Variants in SMAP1 observed in about 807,000 individuals in gnomAD.
SMAP1 encodes stromal membrane-associated protein 1.
SMAP1 carries 24 observed loss-of-function variants against 58.5 expected under a neutral mutation model. The ratio of observed to expected loss-of-function variants is 0.41; its 90% CI spans 0.30 to 0.58. The LOEUF (loss-of-function observed/expected upper bound fraction) is 0.58. Ranked by LOEUF, SMAP1 falls within the 20% of genes least tolerant of loss-of-function variation. SMAP1 has a pLI of 0.29. For synonymous variants in SMAP1, 216 were observed against 196.6 expected, an observed-to-expected ratio of 1.10 and a Z score of -0.82; for missense variants, 563 against 566.3, an observed-to-expected ratio of 0.99 and a Z score of 0.06.
intron 6 of SMAP1, among the ~76,000 whole-genome samples, chr6:70,828,597 C>T (rs1187887641): frequency 6.6e-6 from 1 of 152,128 alleles, no homozygotes; most frequent in Non-Finnish European, 1.5e-5. Context: ...TTTTCACTAC[C>T]CCCATTGAAA....
chr6:70,727,222 C>A (rs1768831622), intron 1 of SMAP1, among the ~76,000 whole-genome samples: 1 of 152,140 alleles, frequency 6.6e-6, no homozygotes, highest in African/African-American at 2.4e-5. Context: ...GATTCTCACA[C>A]CTCAGCCTCC....
chr6:70,856,913 CTAGATT>C lies in SMAP1; in HGVS notation c.847_852del (p.Asp283_Leu284del). On this transcript the variant is annotated inframe_deletion, in exon 9 of 11. Transcript: ENST00000370455. ...CCTGTCTACAGTAACATCTGGGGAT[CTAGATT>C]TATTCACTGAGCAAACTACAAAATC... The C allele has an allele frequency of 6.2e-7, 1 of 1,613,912 alleles. No homozygotes were observed. Among genetic ancestry groups the C allele is most frequent in the Non-Finnish European group, 8.5e-7 (1 of 1,179,834 alleles).
At chr6:70,730,319 G>A (rs544332323) in intron 1 of SMAP1, among the ~76,000 whole-genome samples, 1 of 151,402 alleles carries the variant, frequency 6.6e-6, no homozygotes, top group East Asian at 2.0e-4. Context: ...GGCTTCCCAA[G>A]TGCAGGGATT....
At chr6:70,786,654 T>C (rs1480495924) in intron 4 of SMAP1, among the ~76,000 whole-genome samples, 54 of 151,538 alleles carry the variant, frequency 3.6e-4, no homozygotes, top group Non-Finnish European at 5.3e-4. Context: ...TTCTTATACA[T>C]CAATAACAGA....
At chr6:70,764,635 A>G (rs1293982745) in intron 3 of SMAP1, among the ~76,000 whole-genome samples, 1 of 152,154 alleles carries the variant, frequency 6.6e-6, no homozygotes, top group Non-Finnish European at 1.5e-5. Context: ...CACCGTTGAG[A>G]CCTGCTGCTC....
At chr6:70,731,976 A>G (rs1765447752) in intron 1 of SMAP1, among the ~76,000 whole-genome samples, 1 of 151,984 alleles carries the variant, frequency 6.6e-6, no homozygotes, top group African/African-American at 2.4e-5. Flanking sequence ...ATTAATTTCT[A>G]CATTTAATTT....
chr6:70,860,782 G>A lies in SMAP1; in HGVS notation c.*448G>A, dbSNP rs1222470878. 7.5e-6 allele frequency: 3 copies of A among 399,068 alleles called. No individual in the cohort carries two copies. The highest frequency in any genetic ancestry group is 8.8e-6 in the Non-Finnish European group (2 of 226,136). 24.7% of individuals were successfully genotyped at this position (399,068 alleles called of 1,614,324 possible). ...ATAAATAGAATGTAAATGTCTCACT[G>A]AGCACTGTTTTCTAGTGTATCAAAA... On this transcript the variant is annotated 3_prime_UTR_variant, in exon 11 of 11. Transcript: ENST00000370455.
At chr6:70,828,579 A>AT (rs1192746391) in intron 6 of SMAP1, among the ~76,000 whole-genome samples, 1 of 152,092 alleles carries the variant, frequency 6.6e-6, no homozygotes, top group Non-Finnish European at 1.5e-5. Context: ...CAGGAGTAAT[A>AT]TTTTTTCTTT....
rs1050570247 is a variant in SMAP1, at chr6:70,786,803, G to C, written c.415-4886G>C. Among the ~76,000 whole-genome samples, 13 of 151,380 alleles carry C rather than the reference G, an allele frequency of 8.6e-5. No individual in the cohort carries two copies. In the East Asian group the frequency reaches 1.8e-3, roughly 21 times the overall value. ...CAAACCACTGCTCAACAAAATAAAA[G>C]AGGACACAAATGGAAGAACATTCCA... is the stretch of plus-strand genomic sequence containing the variant. On this transcript the variant is annotated intron_variant, in intron 4 of 10. Coordinates refer to ENST00000370455, the MANE Select transcript of SMAP1 (RefSeq NM_001044305.3).
chr6:70,778,744 G>C (rs1767644862), intron 4 of SMAP1, among the ~76,000 whole-genome samples: 1 of 152,204 alleles, frequency 6.6e-6, no homozygotes, highest in Non-Finnish European at 1.5e-5. Context: ...TCAGGCCCCT[G>C]GGCAGTCCAT....
At chr6:70,811,756 C>A (rs994889346) in intron 6 of SMAP1, among the ~76,000 whole-genome samples, 1 of 152,076 alleles carries the variant, frequency 6.6e-6, no homozygotes, top group Non-Finnish European at 1.5e-5. Flanking sequence ...CAGTGTAGTA[C>A]CCTGTCATGG....
chr6:70,845,417 G>T (rs956592364), intron 7 of SMAP1, among the ~76,000 whole-genome samples: 2 of 152,224 alleles, frequency 1.3e-5, no homozygotes, highest in Non-Finnish European at 2.9e-5. Context: ...AGAACTGGTT[G>T]TGAGGATTCA....
rs771410685 is a variant in SMAP1, at chr6:70,716,040, C to G, written c.119-16338C>G. On this transcript the variant is annotated intron_variant, in intron 1 of 10. Transcript: ENST00000370455. ...TTAGAAAAATGGTCTCCAATCCCAT[C>G]CAGGTTGCTGAGAATGCCATTAATT... Among the ~76,000 whole-genome samples the G allele has an allele frequency of 1.2e-4, 19 of 152,196 alleles. 1 individual carries two copies. Among genetic ancestry groups the G allele is most frequent in the Admixed American group, 2.0e-4 (3 of 15,276 alleles).
chr6:70,750,890 C>T (rs1010996637), intron 2 of SMAP1, among the ~76,000 whole-genome samples: 3 of 152,086 alleles, frequency 2.0e-5, no homozygotes, highest in Non-Finnish European at 4.4e-5. Context: ...TGGGAACATA[C>T]GTTAAATGAG....
At chr6:70,679,092 C>T (rs943386497) in intron 1 of SMAP1, among the ~76,000 whole-genome samples, 5 of 150,844 alleles carry the variant, frequency 3.3e-5, no homozygotes, top group African/African-American at 7.3e-5. Context: ...GGCATGATCT[C>T]GGCTCACTGC....
chr6:70,750,135 A>C (rs762131486), intron 2 of SMAP1, among the ~76,000 whole-genome samples: 1 of 152,146 alleles, frequency 6.6e-6, no homozygotes, highest in African/African-American at 2.4e-5. Flanking sequence ...TTATCTTCAC[A>C]TATTTATTTC....
At chr6:70,697,636 T>C (rs1767463712) in intron 1 of SMAP1, among the ~76,000 whole-genome samples, 1 of 152,298 alleles carries the variant, frequency 6.6e-6, no homozygotes, top group Admixed American at 6.5e-5. Flanking sequence ...GATGATTTTC[T>C]CTGGTGGTAT....
At chr6:70,818,594 C>T (rs774897826) in intron 6 of SMAP1, among the ~76,000 whole-genome samples, 7 of 152,072 alleles carry the variant, frequency 4.6e-5, no homozygotes, top group Non-Finnish European at 7.4e-5. Context: ...ACCTGCTTCC[C>T]GTAGTCATCT....
At chr6:70,835,127 C>T (rs1192538704) in intron 6 of SMAP1, among the ~76,000 whole-genome samples, 1 of 151,014 alleles carries the variant, frequency 6.6e-6, no homozygotes, top group Non-Finnish European at 1.5e-5. Flanking sequence ...TGGTGGGCAC[C>T]TGTAGTCCCA....
Sources: allele counts gnomAD v4.1 joint callset (sites outside exome capture counted in the v4.1 genomes callset), GRCh38; gene constraint gnomAD v4.1.1; transcripts MANE v1.5; gene names NCBI Gene and HGNC (gene_info 2026-07-23, HGNC 2026-07-21).